Variants in MET observed in about 807,000 individuals in gnomAD.
MET encodes hepatocyte growth factor receptor.
In MET, 48 loss-of-function variants were observed where a neutral mutation model predicts 133.1. The ratio of observed to expected loss-of-function variants is 0.36; its 90% CI spans 0.29 to 0.46. The LOEUF (loss-of-function observed/expected upper bound fraction) is 0.46. Ranked by LOEUF, MET falls within the 20% of genes least tolerant of loss-of-function variation. The pLI is 1.00. For synonymous variants in MET, 628 were observed against 616.5 expected, an observed-to-expected ratio of 1.02 and a Z score of -0.28; for missense variants, 1,442 against 1,695.9, an observed-to-expected ratio of 0.85 and a Z score of 2.63.
chr7:116,731,493 G>A (rs1327644331), intron 2 of MET, among the ~76,000 whole-genome samples, 175 bp from the exon 3 acceptor site: 5 of 152,184 alleles, frequency 3.3e-5, no homozygotes, highest in African/African-American at 1.2e-4. Context: ...AATGCCTAGT[G>A]AAATTGGAGC....
chr7:116,715,422 C>A (rs1792153180), intron 2 of MET, among the ~76,000 whole-genome samples: 1 of 152,232 alleles, frequency 6.6e-6, no homozygotes, highest in Admixed American at 6.5e-5. Flanking sequence ...TCCACCATGT[C>A]TCTCTGTGTC....
chr7:116,690,570 T>G (rs927928194), intron 1 of MET, among the ~76,000 whole-genome samples: 1 of 152,242 alleles, frequency 6.6e-6, no homozygotes, highest in Non-Finnish European at 1.5e-5. Flanking sequence ...AAGGGATTTT[T>G]GACATGGCCT....
Position 116,778,857 on chromosome 7 carries a change from C to T in MET, c.3422C>T (p.Ser1141Leu), listed in dbSNP as rs375395179. The change falls in exon 17 of 21, where the codon TCG (serine) becomes TTG (leucine). Residue 1141 changes from serine (S) to leucine (L), a missense_variant. By Grantham distance (145) the Ser-to-Leu change is moderately radical. This residue lies in a region of MET where 514 missense variants were observed against 659.6 expected (regional missense o/e 0.78). Transcript: ENST00000397752. ...MKDFSHPNVLSLLGICLRSEG... is the reference protein window; with the variant it reads ...MKDFSHPNVLLLLGICLRSEG... ...GATTTTAGTCATCCCAATGTCCTCT[C>T]GCTCCTGGGAATCTGCCTGCGAAGT... is the stretch of plus-strand genomic sequence containing the variant. The T allele has an allele frequency of 4.3e-6, 7 of 1,613,924 alleles. No homozygotes were observed. Among genetic ancestry groups the T allele is most frequent in the South Asian group, 1.1e-5 (1 of 91,084 alleles).
intron 2 of MET, among the ~76,000 whole-genome samples, chr7:116,722,711 T>C (rs1450392975): frequency 6.7e-6 from 1 of 149,530 alleles, no homozygotes; most frequent in African/African-American, 2.4e-5. Flanking sequence ...TGCTTGTCTG[T>C]AAAGTATTTT....
In MET at chr7:116,735,412, C is replaced by T. The variant is rs1338775108; in HGVS notation, c.1392+3553C>T. Among the ~76,000 whole-genome samples, 4 of 152,166 alleles carry T rather than the reference C, an allele frequency of 2.6e-5. No homozygotes were observed. In the South Asian group the frequency reaches 8.3e-4, roughly 32 times the overall value. On this transcript the variant is annotated intron_variant, in intron 3 of 20. Transcript: ENST00000397752. ...AAGGACTGTGTTAGTAATCAGTGAA[C>T]CTAAGAATAATTACTCACTTCCAAT...
chr7:116,692,636 C>T (rs1471634317), intron 1 of MET, among the ~76,000 whole-genome samples: 2 of 152,164 alleles, frequency 1.3e-5, no homozygotes, highest in East Asian at 3.8e-4. Context: ...TAAAGGTAGG[C>T]TGAACTGGTA....
chr7:116,759,965 C>A (rs987647463), intron 10 of MET, among the ~76,000 whole-genome samples: 2 of 152,050 alleles, frequency 1.3e-5, no homozygotes, highest in Non-Finnish European at 2.9e-5. Flanking sequence ...TTGGTAGAGA[C>A]GAGGTTTCAC....
At chr7:116,788,651 C>A (rs1380341309) in intron 19 of MET, among the ~76,000 whole-genome samples, 2 of 152,218 alleles carry the variant, frequency 1.3e-5, no homozygotes, top group Non-Finnish European at 2.9e-5. Context: ...CCTGAATAAT[C>A]TGTACATAAT....
intron 2 of MET, among the ~76,000 whole-genome samples, chr7:116,725,986 A>G (rs1019939145): frequency 6.7e-6 from 1 of 148,886 alleles, no homozygotes; most frequent in Non-Finnish European, 1.5e-5. Flanking sequence ...ACAGTGAGCT[A>G]CGAACACATC....
intron 3 of MET, among the ~76,000 whole-genome samples, chr7:116,734,601 A>G (rs1454036960): frequency 6.6e-6 from 1 of 152,270 alleles, no homozygotes. Context: ...GCATACATAT[A>G]TTTAAGTCTC....
In MET at chr7:116,793,429, C is replaced by G. The variant is rs1040361641; in HGVS notation, c.3799-2226C>G. On this transcript the variant is annotated intron_variant, in intron 19 of 20. Coordinates refer to ENST00000397752, the MANE Select transcript of MET (RefSeq NM_000245.4). Reference sequence around the variant, plus strand: ...ACCTCAAGTGATCTGCCCACCCCCGCCTCCCAAAGTGCTGGGATTACAGAT... The same window carrying G: ...ACCTCAAGTGATCTGCCCACCCCCGGCTCCCAAAGTGCTGGGATTACAGAT... Among the ~76,000 whole-genome samples the G allele has an allele frequency of 5.8e-4, 88 of 151,948 alleles. 1 individual carries two copies. The highest frequency in any genetic ancestry group is 2.0e-3 in the African/African-American group (83 of 41,466).
chr7:116,704,325 C>G (rs28662325), intron 2 of MET, among the ~76,000 whole-genome samples: 5 of 152,090 alleles, frequency 3.3e-5, no homozygotes, highest in Admixed American at 6.6e-5. Context: ...CTGAACCCCA[C>G]CGTCTTCTAC....
intron 1 of MET, among the ~76,000 whole-genome samples, chr7:116,696,625 G>T (rs910466521): frequency 4.6e-5 from 7 of 152,146 alleles, no homozygotes; most frequent in African/African-American, 1.7e-4. Flanking sequence ...CTCCTGCATA[G>T]ATTTCTCAAC....
At chr7:116,793,400 C>G (rs929608828) in intron 19 of MET, among the ~76,000 whole-genome samples, 2 of 151,674 alleles carry the variant, frequency 1.3e-5, no homozygotes, top group African/African-American at 2.4e-5. Flanking sequence ...GTCCCGAACT[C>G]TTGACCTCAA....
At position 116,755,203 on chromosome 7, in the gene MET, C is replaced by T. The variant is rs38860; in HGVS notation, c.1702-152C>T. 0.96 allele frequency: 811,659 copies of T among 848,492 alleles called. 388,429 individuals are homozygous for T. The highest frequency in any genetic ancestry group is 1 in the East Asian group (37,053 of 37,074). 52.6% of individuals were successfully genotyped at this position (848,492 alleles called of 1,614,324 possible). Reference sequence around the variant, plus strand: ...ATGCTCTGAAATTTGTGACCCTTTTCCCTTTAGTGAAAATTAAATTTTTAC... The same window carrying T: ...ATGCTCTGAAATTTGTGACCCTTTTTCCTTTAGTGAAAATTAAATTTTTAC... On this transcript the variant is annotated intron_variant, in intron 5 of 20. Coordinates refer to ENST00000397752, the MANE Select transcript of MET (RefSeq NM_000245.4).
chr7:116,705,423 TATTCCAAC>T (rs1472363479), intron 2 of MET, among the ~76,000 whole-genome samples: 1 of 152,162 alleles, frequency 6.6e-6, no homozygotes, highest in Non-Finnish European at 1.5e-5. Flanking sequence ...TGGCATGCCT[TATTCCAAC>T]AATCTAGCAC....
intron 2 of MET, among the ~76,000 whole-genome samples, chr7:116,726,166 T>TATATATATATATATATAC (rs1562900093): frequency 5.1e-5 from 6 of 117,926 alleles, no homozygotes; most frequent in Non-Finnish European, 9.0e-5. Context: ...TATATATATA[T>TATATATATATATATATAC]ATATATATAT....
intron 3 of MET, among the ~76,000 whole-genome samples, chr7:116,739,516 G>A (rs370381279): frequency 3.9e-4 from 59 of 152,286 alleles, no homozygotes; most frequent in African/African-American, 1.2e-3. Context: ...CAGACTCCGC[G>A]TCCACTACTC....
rs911801861 is a variant in MET, at chr7:116,796,653, T to G, written c.*529T>G. The G allele has an allele frequency of 3.8e-6, 1 of 262,312 alleles. No homozygotes were observed. Among genetic ancestry groups the G allele is most frequent in the African/African-American group, 2.2e-5 (1 of 45,494 alleles). 16.2% of individuals were successfully genotyped at this position (262,312 alleles called of 1,614,324 possible). A position where few individuals can be genotyped will look rare whatever the true frequency, so the allele number is the denominator to read the frequency against. ...CCCTTTTAAATGTTTGTTTGTTTTT[T>G]GAGACAGGATCTCACTCTGTTGCCA... On this transcript the variant is annotated 3_prime_UTR_variant, in exon 21 of 21. Coordinates refer to ENST00000397752, the MANE Select transcript of MET (RefSeq NM_000245.4).
Sources: allele counts gnomAD v4.1 joint callset (sites outside exome capture counted in the v4.1 genomes callset), GRCh38; gene constraint gnomAD v4.1.1; regional missense constraint gnomAD v4.1.1; transcripts MANE v1.5; gene names NCBI Gene and HGNC (gene_info 2026-07-23, HGNC 2026-07-21).